The following ANO2 variants were observed in gnomAD, a reference collection of about 807,000 sequenced individuals.
ANO2 encodes the protein anoctamin 2.
Under a neutral mutation model 124.2 loss-of-function variants are expected in ANO2, and 101 were observed. The observed-to-expected ratio is 0.81, with a 90% CI of 0.69 to 0.96. The LOEUF is 0.96. Ranked by LOEUF, ANO2 falls within the 40% of genes least tolerant of loss-of-function variation. The pLI is 0.00. For missense variants in ANO2, 1,293 were observed against 1,274.5 expected (o/e 1.01, Z -0.22); for synonymous variants, 486 against 482.5 (o/e 1.01, Z -0.09).
At chr12:5,693,795 G>T (rs1949044179) in intron 14 of ANO2, among the ~76,000 whole-genome samples, 1 of 152,056 alleles carries the variant, frequency 6.6e-6, no homozygotes, top group Non-Finnish European at 1.5e-5. Flanking sequence ...TGCTTCCTCT[G>T]CCCGGATTCC....
chr12:5,785,968 G>C (rs1952528294), intron 10 of ANO2, among the ~76,000 whole-genome samples: 1 of 151,414 alleles, frequency 6.6e-6, no homozygotes, highest in Non-Finnish European at 1.5e-5. Context: ...TCTACAAAAT[G>C]CTCCAGATGT....
intron 10 of ANO2, among the ~76,000 whole-genome samples, chr12:5,782,554 C>T (rs1284673117): frequency 6.6e-6 from 1 of 152,128 alleles, no homozygotes; most frequent in Non-Finnish European, 1.5e-5. Flanking sequence ...TGTCTAACAT[C>T]TGAAAACAAT....
chr12:5,609,967 A>G (rs1286333632), intron 19 of ANO2, among the ~76,000 whole-genome samples: 1 of 143,574 alleles, frequency 7.0e-6, no homozygotes, highest in Non-Finnish European at 1.5e-5. Context: ...ACATACATTT[A>G]TGTATAAATA....
chr12:5,620,319 A>G (rs1418162340), intron 16 of ANO2, among the ~76,000 whole-genome samples: 1 of 152,230 alleles, frequency 6.6e-6, no homozygotes, highest in Non-Finnish European at 1.5e-5. Context: ...TCAGAGACCT[A>G]TTAAAGAGAC....
At chr12:5,888,538 G>A (rs529778667) in intron 3 of ANO2, among the ~76,000 whole-genome samples, 3 of 152,216 alleles carry the variant, frequency 2.0e-5, no homozygotes, top group Non-Finnish European at 4.4e-5. Context: ...TTTTGACAGG[G>A]TGCTGACTGG....
At chr12:5,827,573 G>A (rs952377393) in intron 7 of ANO2, among the ~76,000 whole-genome samples, 196 bp downstream of exon 7, 2 of 152,224 alleles carry the variant, frequency 1.3e-5, no homozygotes, top group South Asian at 2.1e-4. Context: ...ACAGCCTGGG[G>A]GCAGCCCCAC....
At chr12:5,837,557 A>G (rs1473509046) in intron 4 of ANO2, among the ~76,000 whole-genome samples, 1 of 140,684 alleles carries the variant, frequency 7.1e-6, no homozygotes, top group Non-Finnish European at 1.5e-5. Context: ...ATTCCCACCT[A>G]TGAGTGAGAA....
intron 1 of ANO2, among the ~76,000 whole-genome samples, chr12:5,944,881 G>A (rs1943032177): frequency 3.3e-5 from 5 of 151,986 alleles, no homozygotes; most frequent in Admixed American, 3.3e-4. Context: ...ACAAGGAGAG[G>A]CAACATCACA....
intron 3 of ANO2, among the ~76,000 whole-genome samples, chr12:5,905,569 C>G (rs1008847223): frequency 6.6e-6 from 1 of 152,106 alleles, no homozygotes; most frequent in African/African-American, 2.4e-5. Flanking sequence ...TGGAAAAGAT[C>G]CCACCACCAG....
At position 5,921,028 on chromosome 12, in the gene ANO2, C is replaced by T. The variant is rs750709390; in HGVS notation, c.534+12G>A. The T allele has an allele frequency of 6.3e-6, 10 of 1,596,788 alleles. No homozygotes were observed. The highest frequency in any genetic ancestry group is 2.2e-5 in the South Asian group (2 of 89,698). ...TTCCATCTCCAAGTCCCTGGCCACCCGCCTGACTCACCTCCAAGTCCTTCT... is the reference window on the plus strand; with the variant it reads ...TTCCATCTCCAAGTCCCTGGCCACCTGCCTGACTCACCTCCAAGTCCTTCT... On this transcript the variant is annotated intron_variant, in intron 3 of 24. Transcript: ENST00000682330.
intron 14 of ANO2, among the ~76,000 whole-genome samples, chr12:5,727,031 A>G (rs528805005): frequency 6.6e-6 from 1 of 152,332 alleles, no homozygotes; most frequent in East Asian, 1.9e-4. Context: ...GATCAGTGTC[A>G]TGTACATGAG....
At chr12:5,679,492 C>T (rs1231515604) in intron 14 of ANO2, among the ~76,000 whole-genome samples, 4 of 152,182 alleles carry the variant, frequency 2.6e-5, no homozygotes, top group Non-Finnish European at 5.9e-5. Flanking sequence ...TAAACAGACA[C>T]TTCTCAAAAG....
intron 4 of ANO2, among the ~76,000 whole-genome samples, chr12:5,840,020 C>T (rs944471335): frequency 2.0e-5 from 3 of 152,094 alleles, no homozygotes; most frequent in East Asian, 1.9e-4. Context: ...CTCTTTACTT[C>T]GGCAGGATTC....
chr12:5,800,180 TGTGCAAATGCCCCAAGGCAA>T (rs1952996548), intron 9 of ANO2, among the ~76,000 whole-genome samples: 1 of 152,118 alleles, frequency 6.6e-6, no homozygotes, highest in Admixed American at 6.5e-5. Context: ...ACAGTCTTCT[TGTGCAAATGCCCCAAGGCAA>T]GTGCATATGG....
intron 12 of ANO2, among the ~76,000 whole-genome samples, chr12:5,739,754 T>C (rs1460085860): frequency 6.6e-6 from 1 of 152,144 alleles, no homozygotes; most frequent in African/African-American, 2.4e-5. Flanking sequence ...ACAAGCCTCA[T>C]CTTGCCTACG....
chr12:5,852,062 G>C, intron 4 of ANO2: 2 of 700,588 alleles, frequency 2.9e-6, no homozygotes, highest in Admixed American at 2.0e-5. Context: ...AGAGAAAGGA[G>C]AATAATATAT....
intron 14 of ANO2, among the ~76,000 whole-genome samples, chr12:5,722,123 T>A (rs973773824): frequency 1.3e-5 from 2 of 152,166 alleles, no homozygotes; most frequent in Non-Finnish European, 2.9e-5. Context: ...ACAGCAACAC[T>A]CATGCTTCCT....
chr12:5,697,812 C>T lies in ANO2; in HGVS notation c.1545+34708G>A, dbSNP rs929133958. Among the ~76,000 whole-genome samples, 6 of 152,220 alleles carry T rather than the reference C, an allele frequency of 3.9e-5. No homozygotes were observed. In the East Asian group the frequency reaches 5.8e-4, roughly 15 times the overall value. ...AATGGCACACCAGGAGATTATATCCCGCACCTGGCTCGGAGGGTCCCACGC... is the reference window on the plus strand; with the variant it reads ...AATGGCACACCAGGAGATTATATCCTGCACCTGGCTCGGAGGGTCCCACGC... On this transcript the variant is annotated intron_variant, in intron 14 of 24. Coordinates refer to ENST00000682330, the MANE Select transcript of ANO2 (RefSeq NM_001364791.2).
rs112663607 is a variant in ANO2 at position 5,788,961 on chromosome 12, G to A, written c.1055+10546C>T. ...GGGGGCTCTGCCTTCTTTTTCTTTC[G>A]CATCATCCCCATAGAGATGATCCTG... On this transcript the variant is annotated intron_variant, in intron 10 of 24. Coordinates refer to ENST00000682330, the MANE Select transcript of ANO2 (RefSeq NM_001364791.2). Among the ~76,000 whole-genome samples, 426 of 152,160 alleles carry A rather than the reference G, an allele frequency of 2.8e-3. 2 individuals are homozygous for A. Among genetic ancestry groups the A allele is most frequent in the Middle Eastern group, 0.01 (3 of 294 alleles).
Sources: allele counts gnomAD v4.1 joint callset (sites outside exome capture counted in the v4.1 genomes callset), GRCh38; gene constraint gnomAD v4.1.1; transcripts MANE v1.5; gene names NCBI Gene and HGNC (gene_info 2026-07-23, HGNC 2026-07-21).